The following CES5A variants were observed in gnomAD, a reference collection of about 807,000 sequenced individuals.
CES5A encodes the protein carboxylesterase 5A.
CES5A carries 67 observed loss-of-function variants against 62.9 expected under a neutral mutation model. The ratio of observed to expected loss-of-function variants is 1.07; its 90% CI spans 0.88 to 1.31. The LOEUF is 1.31. CES5A is among the 50% of genes most tolerant of loss of function. The probability of loss-of-function intolerance (pLI) is 0.00; values close to 1 mark genes in which losing one functional copy is unlikely to be tolerated. For missense variants in CES5A, 748 were observed against 708.5 expected (o/e 1.06, Z -0.63); for synonymous variants, 296 against 280.8 (o/e 1.05, Z -0.54).
chr16:55,905,710 C>G (rs1409550365), intron 1 of CES5A, among the ~76,000 whole-genome samples: 8 of 152,134 alleles, frequency 5.3e-5, no homozygotes, highest in African/African-American at 1.9e-4. Flanking sequence ...GAGCAAGCCC[C>G]AGTTTCCCCA....
At chr16:55,859,415 A>G in intron 8 of CES5A, 132 bp downstream of exon 8, 1 of 806,194 alleles carries the variant, frequency 1.2e-6, no homozygotes, top group Non-Finnish European at 2.0e-6. Flanking sequence ...AGTAAAGGTG[A>G]TCACTGTGTG....
intron 1 of CES5A, among the ~76,000 whole-genome samples, chr16:55,894,409 G>A (rs577982551): frequency 6.0e-5 from 9 of 149,946 alleles, no homozygotes; most frequent in African/African-American, 2.0e-4. Context: ...TTGGGAGGCT[G>A]AGGCATGAGA....
chr16:55,942,289 A>G (rs143977023), intron 2 of CES5A, among the ~76,000 whole-genome samples: 33 of 152,362 alleles, frequency 2.2e-4, no homozygotes, highest in Non-Finnish European at 3.8e-4. Context: ...AGTAAAAAAC[A>G]CAAATGGGGA....
chr16:55,954,521 CT>C (rs1366840941), intron 1 of CES5A, among the ~76,000 whole-genome samples: 6 of 152,224 alleles, frequency 3.9e-5, no homozygotes, highest in Non-Finnish European at 7.3e-5. Context: ...TTTTAAACCA[CT>C]TTTAACACAG....
chr16:55,900,658 G>C (rs2033981358), intron 1 of CES5A, among the ~76,000 whole-genome samples: 1 of 152,194 alleles, frequency 6.6e-6, no homozygotes, highest in Admixed American at 6.5e-5. Flanking sequence ...GGCCCCTGGT[G>C]ATTGTCCAGA....
chr16:55,934,913 C>T (rs559234283), intron 2 of CES5A, among the ~76,000 whole-genome samples: 6 of 152,120 alleles, frequency 3.9e-5, no homozygotes, highest in Admixed American at 3.3e-4. Context: ...AAGAAGAACC[C>T]GTGTTTTTTG....
intron 1 of CES5A, among the ~76,000 whole-genome samples, chr16:55,919,006 T>C (rs1454461229): frequency 1.3e-5 from 2 of 152,222 alleles, no homozygotes; most frequent in African/African-American, 4.8e-5. Context: ...TCCCATCTTA[T>C]GGGGCAGATT....
chr16:55,933,201 T>A (rs1385049287), intron 2 of CES5A, among the ~76,000 whole-genome samples: 1 of 152,232 alleles, frequency 6.6e-6, no homozygotes, highest in Non-Finnish European at 1.5e-5. Context: ...AAGTGTCATG[T>A]GTCACTTCTC....
At chr16:55,875,532 A>T (rs1439144005), upstream of CES5A, among the ~76,000 whole-genome samples, 1 of 152,246 alleles carries the variant, frequency 6.6e-6, no homozygotes, top group Non-Finnish European at 1.5e-5. Context: ...ACATTTTAAG[A>T]TTATGAGTTC....
intron 2 of CES5A, among the ~76,000 whole-genome samples, chr16:55,934,633 A>T (rs1348562649): frequency 6.6e-6 from 1 of 151,476 alleles, no homozygotes; most frequent in Non-Finnish European, 1.5e-5. Context: ...AAATAGAACC[A>T]ATAGAAACCA....
At chr16:55,905,787 A>G (rs533852881) in intron 1 of CES5A, among the ~76,000 whole-genome samples, 42 of 152,324 alleles carry the variant, frequency 2.8e-4, no homozygotes, top group African/African-American at 1.0e-3. Context: ...CTTAGCATCA[A>G]GTTGCTGACG....
chr16:55,865,993 C>T lies in CES5A; in HGVS notation c.675G>A (p.Glu225=). The T allele has an allele frequency of 6.2e-7, 1 of 1,614,248 alleles. No homozygotes were observed. Among genetic ancestry groups the T allele is most frequent in the Non-Finnish European group, 8.5e-7 (1 of 1,180,040 alleles). The part of the protein sequence containing the change: ...GDPSSVTIFG[E]SAGAISVSSL... ...TAGAAACACTTATGGCTCCCGCGGA[C>T]TCGCCAAAGATGGTCACAGAGCTGG... Residue 225 remains glutamate (E), a synonymous_variant, in exon 5 of 13, where the codon GAG becomes GAA. Transcript: ENST00000290567.
chr16:55,854,503 G>C (rs1438567703), intron 9 of CES5A, among the ~76,000 whole-genome samples: 1 of 123,342 alleles, frequency 8.1e-6, no homozygotes, highest in African/African-American at 3.0e-5. Context: ...CACCAAGGGG[G>C]CCTGAGGGAT....
intron 1 of CES5A, among the ~76,000 whole-genome samples, chr16:55,903,664 A>G (rs2142443901): frequency 6.6e-6 from 1 of 152,366 alleles, no homozygotes; most frequent in East Asian, 1.9e-4. Context: ...GTGAGGGAGA[A>G]GCACTGCTGA....
intron 1 of CES5A, among the ~76,000 whole-genome samples, chr16:55,901,964 A>C (rs1221409559): frequency 6.6e-6 from 1 of 152,188 alleles, no homozygotes; most frequent in Non-Finnish European, 1.5e-5. Flanking sequence ...TGTTCCTTTC[A>C]ACAGGGAAGG....
intron 2 of CES5A, among the ~76,000 whole-genome samples, chr16:55,943,663 G>A (rs6499809): frequency 0.23 from 35,323 of 152,156 alleles, 5,152 homozygotes; most frequent in Non-Finnish European, 0.33. Flanking sequence ...TAGCTTTGTG[G>A]TATAATTTGG....
intron 6 of CES5A, 140 bp from the exon 7 acceptor site, chr16:55,861,656 C>A (rs2142397806): frequency 3.0e-6 from 2 of 676,374 alleles, no homozygotes; most frequent in Non-Finnish European, 5.3e-6. Context: ...TAGACCCACA[C>A]CCCTATAATT....
chr16:55,946,358 A>G, intron 2 of CES5A, among the ~76,000 whole-genome samples: 1 of 151,202 alleles, frequency 6.6e-6, no homozygotes. Flanking sequence ...GAGCCTTGTG[A>G]AAAAAAAATG....
intron 1 of CES5A, among the ~76,000 whole-genome samples, chr16:55,881,814 A>G (rs1214083293): frequency 6.6e-6 from 1 of 152,208 alleles, no homozygotes; most frequent in Non-Finnish European, 1.5e-5. Flanking sequence ...TAGCTACCAT[A>G]GAAATGGGAT....
Sources: allele counts gnomAD v4.1 joint callset (sites outside exome capture counted in the v4.1 genomes callset), GRCh38; gene constraint gnomAD v4.1.1; transcripts MANE v1.5; gene names NCBI Gene and HGNC (gene_info 2026-07-23, HGNC 2026-07-21).